The following TMEM131 variants were observed in gnomAD, a reference collection of about 807,000 sequenced individuals.
TMEM131 encodes 2610524E03Rik.
In TMEM131, 66 loss-of-function variants were observed where a neutral mutation model predicts 211.6. The observed-to-expected ratio is 0.31, with a 90% confidence interval of 0.26 to 0.38. The LOEUF is 0.38. Among genes scored for constraint, TMEM131 ranks in the 10% least tolerant of loss-of-function variants. The pLI, the probability that TMEM131 is intolerant of heterozygous loss-of-function variation, is 1.00. For synonymous variants in TMEM131, 844 were observed against 841.3 expected (o/e 1.00, Z -0.06); for missense variants, 2,036 against 2,299.3 (o/e 0.89, Z 2.34).
At chr2:97,840,122 G>A (rs1359684192) in intron 7 of TMEM131, among the ~76,000 whole-genome samples, 1 of 152,176 alleles carries the variant, frequency 6.6e-6, no homozygotes, top group Admixed American at 6.5e-5. Context: ...TCTATATTTG[G>A]TTCTAAGAGA....
At chr2:97,829,721 G>A (rs572983210) in intron 11 of TMEM131, among the ~76,000 whole-genome samples, 4 of 152,214 alleles carry the variant, frequency 2.6e-5, no homozygotes, top group South Asian at 4.2e-4. Flanking sequence ...CACTCACAAC[G>A]AAGGTCTATG....
chr2:97,761,942 C>T (rs1678873320), intron 36 of TMEM131, 93 bp downstream of exon 36: 12 of 1,366,122 alleles, frequency 8.8e-6, no homozygotes, highest in Non-Finnish European at 1.2e-5. Flanking sequence ...CAGACAGTGG[C>T]CTGTGGCCGC....
intron 3 of TMEM131, among the ~76,000 whole-genome samples, chr2:97,895,806 C>A (rs1042548207): frequency 1.1e-4 from 17 of 152,082 alleles, no homozygotes; most frequent in African/African-American, 3.9e-4. Context: ...TTGGTCTTTT[C>A]AAAAACACAG....
intron 4 of TMEM131, among the ~76,000 whole-genome samples, chr2:97,867,662 T>C (rs542582502): frequency 6.6e-6 from 1 of 152,272 alleles, no homozygotes; most frequent in East Asian, 1.9e-4. Flanking sequence ...ACAGCATCTG[T>C]CCTAGAGTGG....
chr2:97,912,239 C>T (rs761041580), intron 2 of TMEM131, among the ~76,000 whole-genome samples: 2 of 151,996 alleles, frequency 1.3e-5, no homozygotes, highest in Non-Finnish European at 1.5e-5. Flanking sequence ...AATGGGAAAA[C>T]CAATGTTGTG....
chr2:97,903,859 C>T (rs1269698504), intron 3 of TMEM131, among the ~76,000 whole-genome samples: 1 of 151,992 alleles, frequency 6.6e-6, no homozygotes, highest in Non-Finnish European at 1.5e-5. Context: ...GATGGGGTTT[C>T]ACCGTGTTGC....
intron 1 of TMEM131, among the ~76,000 whole-genome samples, chr2:97,951,413 G>A (rs1411309195): frequency 6.6e-6 from 1 of 152,168 alleles, no homozygotes; most frequent in Non-Finnish European, 1.5e-5. Context: ...GTAGGGGACT[G>A]CCAGACCTGA....
chr2:97,983,763 T>A (rs1475643407), intron 1 of TMEM131, among the ~76,000 whole-genome samples: 1 of 152,204 alleles, frequency 6.6e-6, no homozygotes, highest in Non-Finnish European at 1.5e-5. Flanking sequence ...CTTTTTTCAT[T>A]TCTATGTTCG....
chr2:97,806,995 G>A (rs1353747021), intron 19 of TMEM131, among the ~76,000 whole-genome samples: 2 of 152,166 alleles, frequency 1.3e-5, no homozygotes, highest in African/African-American at 4.8e-5. Context: ...CTTCCCTCGT[G>A]CCTTGTCTCT....
At chr2:97,810,104 GATT>G (rs1313224721) in intron 18 of TMEM131, among the ~76,000 whole-genome samples, 5 of 151,716 alleles carry the variant, frequency 3.3e-5, no homozygotes, top group African/African-American at 7.3e-5. Flanking sequence ...TATAAAAATA[GATT>G]ATTTTAAAAA....
chr2:97,870,815 C>A (rs909303640), intron 4 of TMEM131, among the ~76,000 whole-genome samples: 2 of 152,184 alleles, frequency 1.3e-5, no homozygotes, highest in Non-Finnish European at 2.9e-5. Flanking sequence ...CACTCAATTA[C>A]CGCAAAATAC....
intron 4 of TMEM131, among the ~76,000 whole-genome samples, chr2:97,881,746 A>G (rs1674944278): frequency 7.1e-6 from 1 of 140,736 alleles, no homozygotes; most frequent in African/African-American, 2.7e-5. Flanking sequence ...GGGGAGGTAG[A>G]TGTTGAATAG....
In TMEM131 at chr2:97,837,157, C is replaced by T; in HGVS notation, c.724G>A (p.Val242Ile). Residue 242 changes from valine (V) to isoleucine (I), a missense_variant and splice_region_variant, in exon 8 of 41, where the codon GTT (valine) becomes ATT (isoleucine). By Grantham distance (29) the Val-to-Ile change is conservative. This residue lies in a region of TMEM131 where 277 missense variants were observed against 378.0 expected (regional missense o/e 0.73). Transcript: ENST00000186436. ...CCTCCACTAGAGTACATTTCTACAA[C>T]CTGGGGCAAAAGAGCACATGATGGC... The part of the protein sequence containing the change: ...IHNPHSEPLQ[V>I]VEMYSSGGDL... The T allele has an allele frequency of 6.3e-7, 1 of 1,588,420 alleles. No homozygotes were observed. Among genetic ancestry groups the T allele is most frequent in the Non-Finnish European group, 8.5e-7 (1 of 1,171,428 alleles).
At chr2:97,829,146 G>T (rs1682536344) in intron 11 of TMEM131, among the ~76,000 whole-genome samples, 1 of 152,220 alleles carries the variant, frequency 6.6e-6, no homozygotes, top group Admixed American at 6.5e-5. Flanking sequence ...CCCAACAGCA[G>T]TTGGGGTGTC....
At chr2:97,865,738 A>G (rs936203224) in intron 4 of TMEM131, among the ~76,000 whole-genome samples, 1 of 152,206 alleles carries the variant, frequency 6.6e-6, no homozygotes, top group African/African-American at 2.4e-5. Flanking sequence ...TTAGGGTAAT[A>G]CAGATCTAAC....
intron 1 of TMEM131, among the ~76,000 whole-genome samples, chr2:97,988,811 C>T (rs1029402510): frequency 6.6e-6 from 1 of 152,174 alleles, no homozygotes; most frequent in East Asian, 1.9e-4. Context: ...GCATTATTCA[C>T]GGGATTCTGA....
chr2:97,952,994 T>C (rs1678393594), intron 1 of TMEM131, among the ~76,000 whole-genome samples: 1 of 152,164 alleles, frequency 6.6e-6, no homozygotes, highest in African/African-American at 2.4e-5. Context: ...ATTAGCAAAT[T>C]AAAAATTTTG....
chr2:97,959,560 T>TGC (rs144213531), intron 1 of TMEM131, among the ~76,000 whole-genome samples: 8 of 150,572 alleles, frequency 5.3e-5, no homozygotes, highest in Non-Finnish European at 1.2e-4. Context: ...TATGTCTGCG[T>TGC]GTGTGTGTGT....
At chr2:97,761,956 G>A (rs1031913853) in intron 36 of TMEM131, 79 bp downstream of exon 36, 78 of 1,425,014 alleles carry the variant, frequency 5.5e-5, no homozygotes, top group Middle Eastern at 5.1e-4. Context: ...TGGCCGCTAA[G>A]TGTTTCCATT....
Sources: allele counts gnomAD v4.1 joint callset (sites outside exome capture counted in the v4.1 genomes callset), GRCh38; gene constraint gnomAD v4.1.1; regional missense constraint gnomAD v4.1.1; transcripts MANE v1.5; gene names NCBI Gene and HGNC (gene_info 2026-07-23, HGNC 2026-07-21).